Variants in ADGRG7 observed in about 807,000 individuals in gnomAD.
ADGRG7 encodes the protein G-protein coupled receptor 128.
A neutral mutation model predicts 88.6 loss-of-function variants in ADGRG7; 82 were observed. The observed-to-expected ratio is 0.93, with a 90% CI of 0.77 to 1.11. ADGRG7 has a LOEUF of 1.11. Among genes scored for constraint, ADGRG7 ranks in the 50% most tolerant of loss-of-function variants. The probability of loss-of-function intolerance (pLI) is 0.00; values close to 1 mark genes in which losing one functional copy is unlikely to be tolerated. For missense variants in ADGRG7, 945 were observed against 953.4 expected (o/e 0.99, Z 0.12); for synonymous variants, 381 against 345.2 (o/e 1.10, Z -1.15).
chr3:100,650,960 T>G (rs539759976), intron 11 of ADGRG7, among the ~76,000 whole-genome samples: 1 of 152,292 alleles, frequency 6.6e-6, no homozygotes, highest in African/African-American at 2.4e-5. Context: ...TCATGTTGTT[T>G]TGCCACGTCT....
At chr3:100,623,324 A>G (rs1707338917) in intron 1 of ADGRG7, among the ~76,000 whole-genome samples, 1 of 151,904 alleles carries the variant, frequency 6.6e-6, no homozygotes, top group Admixed American at 6.6e-5. Context: ...TGTTGAAAAA[A>G]CTTTCCCTTC....
intron 15 of ADGRG7, among the ~76,000 whole-genome samples, chr3:100,687,149 A>G (rs1251100587): frequency 2.0e-5 from 3 of 152,172 alleles, no homozygotes; most frequent in Non-Finnish European, 4.4e-5. Context: ...GCAATTGTGA[A>G]TGGGAGTTCA....
intron 6 of ADGRG7, among the ~76,000 whole-genome samples, chr3:100,639,113 A>T (rs1446290108): frequency 6.6e-6 from 1 of 151,352 alleles, no homozygotes; most frequent in Non-Finnish European, 1.5e-5. Flanking sequence ...GTCACTTAAT[A>T]CCTTACAAAC....
At chr3:100,691,367 T>C (rs1179960253) in intron 15 of ADGRG7, among the ~76,000 whole-genome samples, 1 of 152,162 alleles carries the variant, frequency 6.6e-6, no homozygotes, top group Non-Finnish European at 1.5e-5. Context: ...CTGTACCCAC[T>C]GTCTTGCACC....
chr3:100,638,023 G>A (rs562205835), intron 6 of ADGRG7, among the ~76,000 whole-genome samples: 11 of 152,284 alleles, frequency 7.2e-5, no homozygotes, highest in African/African-American at 2.4e-4. Context: ...CATCCAGAGG[G>A]GTGCCTGCAA....
At chr3:100,691,346 C>G (rs376083385) in intron 15 of ADGRG7, among the ~76,000 whole-genome samples, 1 of 152,282 alleles carries the variant, frequency 6.6e-6, no homozygotes, top group South Asian at 2.1e-4. Flanking sequence ...CTTCAGCTCA[C>G]ACATGGTGCT....
chr3:100,670,746 G>A (rs549077829), intron 15 of ADGRG7, among the ~76,000 whole-genome samples: 6 of 152,102 alleles, frequency 3.9e-5, no homozygotes, highest in South Asian at 4.2e-4. Context: ...AGTGTGTGAT[G>A]TTCCCCTCCC....
At chr3:100,694,604 A>G in intron 15 of ADGRG7, 140 bp from the exon 16 acceptor site, 1 of 762,044 alleles carries the variant, frequency 1.3e-6, no homozygotes, top group Non-Finnish European at 2.1e-6. Flanking sequence ...TAAAAAGTGC[A>G]TGGCAGCTGC....
At chr3:100,634,488 G>T (rs1292350537) in intron 4 of ADGRG7, among the ~76,000 whole-genome samples, 2 of 152,148 alleles carry the variant, frequency 1.3e-5, no homozygotes, top group African/African-American at 4.8e-5. Context: ...AGGAAAATGT[G>T]GTTCTGAGAG....
chr3:100,653,332 C>T (rs1307960966), intron 11 of ADGRG7, among the ~76,000 whole-genome samples: 1 of 152,084 alleles, frequency 6.6e-6, no homozygotes, highest in African/African-American at 2.4e-5. Flanking sequence ...AGCTGTTACA[C>T]TGTTATGGGA....
intron 6 of ADGRG7, among the ~76,000 whole-genome samples, chr3:100,641,800 C>T (rs569912754): frequency 6.6e-6 from 1 of 152,290 alleles, no homozygotes; most frequent in South Asian, 2.1e-4. Context: ...GAATTAGCCT[C>T]TTATTTTTAA....
chr3:100,654,556 A>G (rs1252503007), intron 11 of ADGRG7: 1 of 270,402 alleles, frequency 3.7e-6, no homozygotes, highest in African/African-American at 2.2e-5. Flanking sequence ...ACTGGGGGCC[A>G]TTTTTGGAGA....
chr3:100,651,994 T>C (rs937241976), intron 11 of ADGRG7, among the ~76,000 whole-genome samples: 13 of 152,168 alleles, frequency 8.5e-5, no homozygotes, highest in African/African-American at 2.9e-4. Flanking sequence ...TTTGTTGTGA[T>C]GCAATCTCAT....
At position 100,663,063 on chromosome 3, in the gene ADGRG7, T is replaced by C. The variant is rs76256846; in HGVS notation, c.1979+3220T>C. Among the ~76,000 whole-genome samples the C allele has an allele frequency of 4.9e-3, 748 of 152,250 alleles. 6 individuals carry two copies. Among genetic ancestry groups the C allele is most frequent in the African/African-American group, 0.017 (714 of 41,574 alleles). ...CTGTTGTGTTGCAAAAAACATGTTA[T>C]TGACTAGGAGTCAGGCAAGCTCAAA... On this transcript the variant is annotated intron_variant, in intron 14 of 15. Transcript: ENST00000273352.
At chr3:100,630,634 T>C (rs1252214190) in intron 2 of ADGRG7, 71 bp from the exon 3 acceptor site, 61 of 678,190 alleles carry the variant, frequency 9.0e-5, no homozygotes, top group Non-Finnish European at 1.3e-4. Context: ...GGTTCTGACC[T>C]TTGACTTTTA....
At chr3:100,646,822 A>T (rs1202488738) in intron 10 of ADGRG7, 98 bp downstream of exon 10, 1 of 1,005,382 alleles carries the variant, frequency 9.9e-7, no homozygotes, top group East Asian at 2.5e-5. Flanking sequence ...TTTAATTTAC[A>T]TAGATTCTCA....
At chr3:100,683,214 C>T (rs1321511975) in intron 15 of ADGRG7, among the ~76,000 whole-genome samples, 1 of 152,160 alleles carries the variant, frequency 6.6e-6, no homozygotes, top group Admixed American at 6.5e-5. Flanking sequence ...GAACTAGGGA[C>T]CCACCAGAAC....
intron 14 of ADGRG7, among the ~76,000 whole-genome samples, chr3:100,666,112 C>T (rs1394600864): frequency 6.7e-6 from 1 of 149,420 alleles, no homozygotes; most frequent in South Asian, 2.1e-4. Flanking sequence ...AGTGCAGTGG[C>T]GTGATCTCGG....
Position 100,669,119 on chromosome 3 carries a change from T to C in ADGRG7, c.2136+14T>C. On this transcript the variant is annotated intron_variant, in intron 15 of 15. Coordinates refer to ENST00000273352, the MANE Select transcript of ADGRG7 (RefSeq NM_032787.3). ...AACACTACACAGGTATGGTGCGGAT[T>C]AGTCTGAAAGTAGCAGAACACGCAG... 6.6e-7 allele frequency: 1 copy of C among 1,514,416 alleles called. No homozygotes were observed. The highest frequency in any genetic ancestry group is 8.8e-7 in the Non-Finnish European group (1 of 1,131,156). The allele number at this position is 1,514,416 out of a possible 1,614,324, so 93.8% of individuals were successfully genotyped here. A position where few individuals can be genotyped will look rare whatever the true frequency, so the allele number is the denominator to read the frequency against.
Sources: gnomAD v4.1 joint callset for allele counts (sites outside exome capture counted in the v4.1 genomes callset) on GRCh38, gnomAD v4.1.1 for gene constraint, MANE v1.5 for transcripts, NCBI Gene and HGNC (gene_info 2026-07-23, HGNC 2026-07-21) for gene names.